DOCK1: variants seen among roughly 807,000 people sequenced by gnomAD.
The protein encoded by DOCK1 is dedicator of cytokinesis protein 1.
DOCK1 carries 138 observed loss-of-function variants against 262.7 expected under a neutral mutation model. The observed-to-expected ratio is 0.53, with a 90% CI of 0.46 to 0.61. DOCK1 has a LOEUF of 0.61. Among genes scored for constraint, DOCK1 ranks in the 20% least tolerant of loss-of-function variants. The pLI is 0.00. For missense variants in DOCK1, 1,908 were observed against 2,370.7 expected, an observed-to-expected ratio of 0.80 and a Z score of 4.05; for synonymous variants, 866 against 867.4, an observed-to-expected ratio of 1.00 and a Z score of 0.03.
chr10:127,313,044 G>C (rs2135510686), intron 29 of DOCK1, among the ~76,000 whole-genome samples: 1 of 152,202 alleles, frequency 6.6e-6, no homozygotes, highest in Middle Eastern at 3.4e-3. Flanking sequence ...CTGAAGCTCT[G>C]GGCTCCCTTG....
chr10:126,996,926 A>G (rs755486995), intron 7 of DOCK1, 43 bp downstream of exon 7: 4 of 1,523,536 alleles, frequency 2.6e-6, no homozygotes, highest in Non-Finnish European at 3.5e-6. Context: ...TTTCTCAGTA[A>G]TAAGTTTTCA....
At chr10:127,353,234 A>G (rs2063972655) in intron 31 of DOCK1, among the ~76,000 whole-genome samples, 1 of 152,118 alleles carries the variant, frequency 6.6e-6, no homozygotes, top group South Asian at 2.1e-4. Context: ...AAATGCTGCA[A>G]GGACGTCAGC....
chr10:127,000,351 C>T (rs377315759), intron 10 of DOCK1, 44 bp downstream of exon 10: 781 of 1,597,498 alleles, frequency 4.9e-4, no homozygotes, highest in Non-Finnish European at 6.3e-4. Flanking sequence ...CAGATCTTCA[C>T]AGTCACTTTC....
Position 127,176,494 on chromosome 10 carries a change from T to G in DOCK1, c.2847+48730T>G, listed in dbSNP as rs998898202. 12 of 1,014,370 alleles carry G rather than the reference T, an allele frequency of 1.2e-5. No individual in the cohort carries two copies. In the African/African-American group the frequency reaches 1.9e-4, roughly 16 times the overall value. The allele number at this position is 1,014,370 out of a possible 1,614,324, so 62.8% of individuals were successfully genotyped here. The stretch of plus-strand genomic sequence containing the variant: ...ACTTTTAGCCACCACGACGACTGCC[T>G]GTTTCCTAATTATATTTAAGCAGGT... On this transcript the variant is annotated intron_variant, in intron 27 of 51. Coordinates refer to ENST00000623213, the MANE Select transcript of DOCK1 (RefSeq NM_001290223.2). The surrounding 1 kb of genome is among the most constrained non-coding windows in gnomAD (Gnocchi z 4.4).
At chr10:126,945,912 G>T (rs1342256706) in intron 1 of DOCK1, among the ~76,000 whole-genome samples, 1 of 152,114 alleles carries the variant, frequency 6.6e-6, no homozygotes, top group Non-Finnish European at 1.5e-5. Context: ...GTGCTTTATT[G>T]AGCGTAACAA....
rs189806103 is a variant in DOCK1, at chr10:127,242,596, G to C, written c.2848-5412G>C. Among the ~76,000 whole-genome samples the C allele has an allele frequency of 5.3e-5, 8 of 152,174 alleles. No individual in the cohort carries two copies. The East Asian group carries it at 1.5e-3, about 29-fold the overall frequency. ...CTTTACAGTATTGATTCTTTGGCTT[G>C]AATGCGCCCCAAAAGAAAAATCATC... On this transcript the variant is annotated intron_variant, in intron 27 of 51. Transcript: ENST00000623213.
At chr10:127,310,549 C>T (rs1313624137) in intron 29 of DOCK1, among the ~76,000 whole-genome samples, 1 of 152,076 alleles carries the variant, frequency 6.6e-6, no homozygotes, top group Non-Finnish European at 1.5e-5. Context: ...TAAGTGTTGT[C>T]AAAGGGAGGG....
At chr10:127,140,603 AGCACACCAAGTCTCTCGGTTGAGTTTG>A (rs1161957418) in intron 27 of DOCK1, among the ~76,000 whole-genome samples, 2 of 68,342 alleles carry the variant, frequency 2.9e-5, no homozygotes, top group Non-Finnish European at 8.3e-5. Flanking sequence ...TTCTTGGGGA[AGCACACCAAGTCTCTCGGTTGAGTTTG>A]ACACACCAAG....
At chr10:127,306,169 C>T (rs1330551268) in intron 29 of DOCK1, among the ~76,000 whole-genome samples, 1 of 152,112 alleles carries the variant, frequency 6.6e-6, no homozygotes, top group Non-Finnish European at 1.5e-5. Flanking sequence ...TGCCCAACAC[C>T]ATGCCCAGCT....
At chr10:127,097,587 G>C (rs1258214618) in intron 23 of DOCK1, among the ~76,000 whole-genome samples, 1 of 152,146 alleles carries the variant, frequency 6.6e-6, no homozygotes, top group African/African-American at 2.4e-5. Context: ...TCCTGCACAC[G>C]TGTTGATTGG....
intron 13 of DOCK1, among the ~76,000 whole-genome samples, chr10:127,021,454 T>G (rs11018157): frequency 6.6e-6 from 1 of 152,172 alleles, no homozygotes; most frequent in Admixed American, 6.5e-5. Context: ...CGTGAGCCAC[T>G]GCACCCGGCC....
chr10:126,957,746 C>T (rs957913225), intron 1 of DOCK1, among the ~76,000 whole-genome samples: 91 of 152,282 alleles, frequency 6.0e-4, no homozygotes, highest in Non-Finnish European at 1.1e-3. Context: ...TTCCAAAGTG[C>T]TGGTTTTACA....
intron 47 of DOCK1, among the ~76,000 whole-genome samples, chr10:127,432,716 C>G (rs2069384052): frequency 6.6e-6 from 1 of 151,936 alleles, no homozygotes; most frequent in Non-Finnish European, 1.5e-5. Flanking sequence ...AGTTCACTAC[C>G]TAGCAAGTGG....
chr10:127,002,434 G>A (rs2040659057), intron 10 of DOCK1, among the ~76,000 whole-genome samples: 1 of 152,190 alleles, frequency 6.6e-6, no homozygotes, highest in Admixed American at 6.5e-5. Flanking sequence ...ATATTTTTCA[G>A]TTTTCATTGG....
intron 48 of DOCK1, among the ~76,000 whole-genome samples, chr10:127,436,309 G>T (rs1242287087): frequency 6.6e-6 from 1 of 152,088 alleles, no homozygotes. Context: ...TTGAGCTCTG[G>T]AGTTCAAGAC....
At chr10:127,153,569 C>T (rs1304664172) in intron 27 of DOCK1, among the ~76,000 whole-genome samples, 2 of 152,196 alleles carry the variant, frequency 1.3e-5, no homozygotes, top group African/African-American at 4.8e-5. Context: ...GCCCAGGGCT[C>T]ACACCTATCG....
chr10:127,120,598 A>G (rs1255026428), intron 25 of DOCK1, among the ~76,000 whole-genome samples: 1 of 152,240 alleles, frequency 6.6e-6, no homozygotes, highest in Non-Finnish European at 1.5e-5. Flanking sequence ...AATTTTCACC[A>G]GACACTTGAT....
At chr10:126,906,272 A>G (rs978950462) in intron 1 of DOCK1, among the ~76,000 whole-genome samples, 2 of 152,094 alleles carry the variant, frequency 1.3e-5, no homozygotes, top group African/African-American at 4.8e-5. Context: ...TCGGGTTGCA[A>G]GTTTACATTT....
At chr10:127,124,958 A>G (rs2049852342) in intron 25 of DOCK1, among the ~76,000 whole-genome samples, 1 of 152,088 alleles carries the variant, frequency 6.6e-6, no homozygotes, top group African/African-American at 2.4e-5. Context: ...CTAAAAATAA[A>G]AAAAAAAAAT....
Sources: gnomAD v4.1 joint callset for allele counts (sites outside exome capture counted in the v4.1 genomes callset) on GRCh38, gnomAD v4.1.1 for gene constraint, Gnocchi (gnomAD v3.1) non-coding constraint, MANE v1.5 for transcripts, NCBI Gene and HGNC (gene_info 2026-07-23, HGNC 2026-07-21) for gene names.